The following PLEC variants were observed in gnomAD, a reference collection of about 807,000 sequenced individuals.
The protein encoded by PLEC is plectin, also known as hemidesmosomal protein 1.
A neutral mutation model predicts 392.8 loss-of-function variants in PLEC; 216 were observed. That is an observed-to-expected ratio of 0.55 (90% CI 0.49 to 0.62). PLEC has a LOEUF of 0.62. Among genes scored for constraint, PLEC ranks in the 20% least tolerant of loss-of-function variants. PLEC has a pLI of 0.00. For missense variants in PLEC, 6,863 were observed against 6,563.4 expected (o/e 1.05, Z -1.58); for synonymous variants, 3,621 against 2,980.6 (o/e 1.21, Z -7.00).
Position 143,923,972 on chromosome 8 carries a change from GC to G in PLEC, c.5956del (p.Ala1986LeufsTer29). On this transcript the variant is annotated frameshift_variant, in exon 31 of 32. Coordinates refer to ENST00000345136, the MANE Select transcript of PLEC (RefSeq NM_201384.3). LOFTEE classifies it high-confidence loss of function. ...AAEEERRRRE[A>X]EERVQKSLAA... is the part of the protein sequence containing the mutation. ...CAGGCTCTTCTGCACGCGCTCCTCA[GC>G]CTCACGGCGCCGCCGCTCCTCCTCC... The G allele has an allele frequency of 6.3e-7, 1 of 1,584,356 alleles. No homozygotes were observed. Among genetic ancestry groups the G allele is most frequent in the South Asian group, 1.1e-5 (1 of 89,754 alleles).
At chr8:143,927,122 C>T (rs372051921) in intron 28 of PLEC, 41 bp from the exon 29 acceptor site, 45 of 1,574,250 alleles carry the variant, frequency 2.9e-5, no homozygotes, top group East Asian at 4.5e-5. Flanking sequence ...CTCTGCCCTC[C>T]GATGGCCCCT....
chr8:143,943,971 T>C, upstream of PLEC: 2 of 1,551,996 alleles, frequency 1.3e-6, no homozygotes, highest in South Asian at 2.3e-5. Flanking sequence ...CCTCCCTGCG[T>C]GCAGGGCGAG....
chr8:143,938,997 C>A (rs1003823650), intron 1 of PLEC, among the ~76,000 whole-genome samples: 5 of 76,760 alleles, frequency 6.5e-5, no homozygotes, highest in Admixed American at 1.3e-4. Flanking sequence ...GTCCTGCAGT[C>A]CCCCCCGGCC....
intron 3 of PLEC, 54 bp downstream of exon 3, chr8:143,938,097 C>T (rs563831748): frequency 4.5e-6 from 6 of 1,319,772 alleles, no homozygotes; most frequent in Middle Eastern, 3.9e-4. Context: ...GGAAGGCAGG[C>T]AGAGGTCTCC....
chr8:143,930,642 C>T, intron 19 of PLEC, 106 bp from the exon 20 acceptor site: 1 of 1,232,524 alleles, frequency 8.1e-7, no homozygotes, highest in Non-Finnish European at 1.1e-6. Context: ...CCTGATGCTC[C>T]CGGGGTGGCA....
At position 143,920,061 on chromosome 8, in the gene PLEC, A is replaced by T; in HGVS notation, c.9760T>A (p.Trp3254Arg). 6.2e-7 allele frequency: 1 copy of T among 1,613,258 alleles called. No individual in the cohort carries two copies. Among genetic ancestry groups the T allele is most frequent in the East Asian group, 2.2e-5 (1 of 44,886 alleles). Residue 3254 changes from tryptophan (W) to arginine (R), a missense_variant, in exon 32 of 32, where the codon TGG becomes AGG. Physicochemically the swap from Trp to Arg is moderately radical, Grantham distance 101. Coordinates refer to ENST00000345136, the MANE Select transcript of PLEC (RefSeq NM_201384.3). ...GGFKGRTVTV[W>R]ELISSEYFTA... ...AAGTACTCAGAGCTGATGAGCTCCC[A>T]CACCGTCACCGTCCTGCCCTTGAAG... is the stretch of plus-strand genomic sequence containing the variant.
chr8:143,958,474 G>A, upstream of PLEC: 1 of 311,418 alleles, frequency 3.2e-6, no homozygotes. The surrounding 1 kb of genome is among the most constrained non-coding windows in gnomAD (Gnocchi z 4.9). Context: ...ATCCATTAGG[G>A]GGCCCATCGT....
chr8:143,939,289 G>T (rs1554726476), intron 1 of PLEC, 61 bp downstream of exon 1: 2 of 1,560,750 alleles, frequency 1.3e-6, no homozygotes, highest in Non-Finnish European at 1.7e-6. Flanking sequence ...ACAGGAAGTG[G>T]GCCTTCCTCC....
At chr8:143,930,925 C>T (rs1344195716) in intron 19 of PLEC, among the ~76,000 whole-genome samples, 1 of 152,186 alleles carries the variant, frequency 6.6e-6, no homozygotes. Flanking sequence ...CGGCTCTCCC[C>T]CCGGCCCAGC....
intron 1 of PLEC, among the ~76,000 whole-genome samples, chr8:143,959,052 T>C (rs1233100871): frequency 6.6e-6 from 1 of 152,216 alleles, no homozygotes; most frequent in African/African-American, 2.4e-5. Context: ...ATCGTTAACA[T>C]GCAAATAAAT....
At chr8:143,943,256 C>T (rs1336507092), upstream of PLEC, among the ~76,000 whole-genome samples, 2 of 152,242 alleles carry the variant, frequency 1.3e-5, no homozygotes, top group African/African-American at 4.8e-5. Flanking sequence ...CCCAGGGCCC[C>T]GCCCCATCCT....
In PLEC at chr8:143,919,814, G is replaced by T; in HGVS notation, c.10007C>A (p.Thr3336Lys). The T allele has an allele frequency of 6.2e-7, 1 of 1,613,074 alleles. No individual in the cohort carries two copies. Among genetic ancestry groups the T allele is most frequent in the Non-Finnish European group, 8.5e-7 (1 of 1,180,026 alleles). Residue 3336 changes from threonine to lysine, a missense_variant, in exon 32 of 32, where the codon ACG becomes AAG. Thr to Lys is a moderately conservative substitution (Grantham distance 78). Transcript: ENST00000345136. ...AQFEQLKDGK[T>K]TVKDLSELGS... is the part of the protein sequence containing the mutation. ...CAGCTCCGAAAGGTCCTTGACCGTCGTCTTGCCGTCCTTGAGCTGCTCAAA... is the reference window on the plus strand; with the variant it reads ...CAGCTCCGAAAGGTCCTTGACCGTCTTCTTGCCGTCCTTGAGCTGCTCAAA...
At chr8:143,943,197 C>T, upstream of PLEC, among the ~76,000 whole-genome samples, 1 of 152,342 alleles carries the variant, frequency 6.6e-6, no homozygotes, top group East Asian at 1.9e-4. Context: ...GCCAGGTCCC[C>T]GATAGGCAGT....
At chr8:143,970,311 A>T (rs1833353972) in intron 1 of PLEC, among the ~76,000 whole-genome samples, 1 of 151,292 alleles carries the variant, frequency 6.6e-6, no homozygotes, top group Admixed American at 6.6e-5. Context: ...AAAAAAAAAA[A>T]ATCAAGCAGG....
chr8:143,966,101 T>G (rs1218890693), intron 1 of PLEC, among the ~76,000 whole-genome samples: 6 of 152,146 alleles, frequency 3.9e-5, no homozygotes, highest in Non-Finnish European at 8.8e-5. Context: ...GCAGTCCCGC[T>G]GAGGTCCCAA....
At chr8:143,942,145 T>A (rs1830581055), upstream of PLEC, among the ~76,000 whole-genome samples, 1 of 150,902 alleles carries the variant, frequency 6.6e-6, no homozygotes, top group African/African-American at 2.4e-5. Context: ...CAGCCGGGGG[T>A]GGGCCAGCCC....
Position 143,969,185 on chromosome 8 carries a change from T to G in PLEC, c.70+4218A>C, listed in dbSNP as rs1833281353. On this transcript the variant is annotated intron_variant, in intron 1 of 31. Coordinates refer to the PLEC transcript ENST00000356346. The surrounding 1 kb of genome is among the most constrained non-coding windows in gnomAD (Gnocchi z 5.1). ...GGAACCGACTCCAGCGGGGGGAGGG[T>G]GAGGTGCTGATGGCGCGGCGATGTG... 1.3e-5 allele frequency among the ~76,000 whole-genome samples: 2 copies of G among 150,766 alleles called. No individual in the cohort carries two copies. Among genetic ancestry groups the G allele is most frequent in the Admixed American group, 1.3e-4 (2 of 15,110 alleles).
At chr8:143,944,626 C>T in intron 1 of PLEC, 8 of 1,328,402 alleles carry the variant, frequency 6.0e-6, no homozygotes, top group Non-Finnish European at 6.9e-6. Flanking sequence ...TTTCACAAGG[C>T]TTTCAAGGGC....
upstream of PLEC, chr8:143,958,740 G>A: frequency 2.4e-6 from 1 of 416,886 alleles, no homozygotes; most frequent in Non-Finnish European, 5.0e-6. This position sits in a 1 kb window ranked among gnomAD's most constrained non-coding sequence, Gnocchi z 4.9. Flanking sequence ...CTGTGGAGAG[G>A]CTTCTCACCT....
Sources: allele counts gnomAD v4.1 joint callset (sites outside exome capture counted in the v4.1 genomes callset), GRCh38; gene constraint gnomAD v4.1.1; non-coding constraint Gnocchi (gnomAD v3.1); transcripts MANE v1.5; gene names NCBI Gene and HGNC (gene_info 2026-07-23, HGNC 2026-07-21).